The following NOL11 variants were observed in gnomAD, a reference collection of about 807,000 sequenced individuals.
NOL11 encodes nucleolar protein 11.
In NOL11, 42 loss-of-function variants were observed where a neutral mutation model predicts 93.0. The ratio of observed to expected loss-of-function variants is 0.45; its 90% confidence interval spans 0.35 to 0.58. The LOEUF (loss-of-function observed/expected upper bound fraction) is 0.58, where lower values mean the gene tolerates loss of function less well. Among genes scored for constraint, NOL11 ranks in the 20% least tolerant of loss-of-function variants. The probability of loss-of-function intolerance (pLI) is 0.00; values close to 1 mark genes in which losing one functional copy is unlikely to be tolerated. For synonymous variants in NOL11, 296 were observed against 293.7 expected (o/e 1.01, Z -0.08); for missense variants, 775 against 841.8 (o/e 0.92, Z 0.98).
At position 67,737,600 on chromosome 17, in the gene NOL11, A is replaced by G. The variant is rs774756315; in HGVS notation, c.1311A>G (p.Val437=). ...PDFHTVIGDT[V]TGLLERCKAE... is the part of the protein sequence containing the mutation. Reference sequence around the variant, plus strand: ...TTCATACTGTCATTGGGGACACAGTAACAGGACTTCTGGAAAGGTGTAAAG... The same window carrying G: ...TTCATACTGTCATTGGGGACACAGTGACAGGACTTCTGGAAAGGTGTAAAG... The change falls in exon 12 of 18, where the codon GTA becomes GTG. Residue 437 remains valine (V), a synonymous_variant. Transcript: ENST00000253247. The G allele has an allele frequency of 3.7e-6, 6 of 1,614,158 alleles. No homozygotes were observed. Among genetic ancestry groups the G allele is most frequent in the Non-Finnish European group, 5.1e-6 (6 of 1,179,986 alleles).
chr17:67,740,702 C>T (rs2055248256), intron 16 of NOL11: 1 of 154,308 alleles, frequency 6.5e-6, no homozygotes, highest in Admixed American at 6.6e-5. Flanking sequence ...AGTTCCTTGT[C>T]TTTGGACATG....
chr17:67,718,139 G>A lies in NOL11; in HGVS notation c.141+51G>A, dbSNP rs369868785. On this transcript the variant is annotated intron_variant, in intron 1 of 17. Coordinates refer to ENST00000253247, the MANE Select transcript of NOL11 (RefSeq NM_015462.5). ...CCCGACTGCCTTCTCGCCCCTTTCT[G>A]AGCGCGGAGCTCGAGCTCAAGTTTC... The A allele has an allele frequency of 1.0e-5, 16 of 1,591,256 alleles. No individual in the cohort carries two copies. In the African/African-American group the frequency reaches 2.0e-4, roughly 20 times the overall value.
Position 67,724,034 on chromosome 17 carries a change from CTTT to C in NOL11, c.520-7_520-5del. The C allele has an allele frequency of 2.3e-6, 3 of 1,280,596 alleles. No homozygotes were observed. The highest frequency in any genetic ancestry group is 2.1e-6 in the Non-Finnish European group (2 of 952,728). The allele number at this position is 1,280,596 out of a possible 1,614,324, so 79.3% of individuals were successfully genotyped here. A position where few individuals can be genotyped will look rare whatever the true frequency, so the allele number is the denominator to read the frequency against. On this transcript the variant is annotated splice_polypyrimidine_tract_variant and intron_variant, in intron 5 of 17. Coordinates refer to ENST00000253247, the MANE Select transcript of NOL11 (RefSeq NM_015462.5). The stretch of plus-strand genomic sequence containing the variant: ...GAAATGGGAATATTTATAAAATAAC[CTTT>C]TTTTTTTGCAGCATGGAAATTACTT...
At chr17:67,740,052 A>G (rs112891293) in intron 16 of NOL11, among the ~76,000 whole-genome samples, 4 of 152,204 alleles carry the variant, frequency 2.6e-5, no homozygotes, top group African/African-American at 4.8e-5. Context: ...CCCAGCCAAC[A>G]TGGTGAAACC....
chr17:67,724,086 C>T lies in NOL11; in HGVS notation c.557C>T (p.Ser186Leu). Residue 186 changes from serine to leucine, a missense_variant, in exon 6 of 18, where the codon TCA (serine) becomes TTA (leucine). Coordinates refer to ENST00000253247, the MANE Select transcript of NOL11 (RefSeq NM_015462.5). ...NYFAYVQMFN[S>L]RILTKYTLLL... ...TTTGCTTACGTGCAAATGTTTAACT[C>T]ACGTATCTTAACCAAATATACACTC... The T allele has an allele frequency of 6.3e-7, 1 of 1,577,182 alleles. No homozygotes were observed.
intron 4 of NOL11, 35 bp from the exon 5 acceptor site, chr17:67,722,545 G>A (rs2043225410): frequency 6.4e-7 from 1 of 1,553,866 alleles, no homozygotes; most frequent in Admixed American, 2.3e-5. Flanking sequence ...GGTGATTTTT[G>A]CATCCTATAA....
intron 16 of NOL11, among the ~76,000 whole-genome samples, chr17:67,740,319 T>C (rs2055243663): frequency 6.6e-6 from 1 of 150,794 alleles, no homozygotes; most frequent in Admixed American, 6.6e-5. Context: ...TCTTTAAAAA[T>C]AATACTTATG....
chr17:67,720,085 T>C (rs1426825562), intron 3 of NOL11, 123 bp downstream of exon 3: 2 of 850,016 alleles, frequency 2.4e-6, no homozygotes, highest in Admixed American at 3.7e-5. Flanking sequence ...CCTAATCAGG[T>C]TTTCATTCTA....
At chr17:67,724,915 A>T (rs2055075539) in intron 6 of NOL11, among the ~76,000 whole-genome samples, 1 of 151,972 alleles carries the variant, frequency 6.6e-6, no homozygotes, top group Non-Finnish European at 1.5e-5. Context: ...AAAATTAGCC[A>T]GGCATGGTGG....
rs188453723 is a variant in NOL11 at position 67,736,419 on chromosome 17, A to G, written c.1055-247A>G. 1.4e-4 allele frequency among the ~76,000 whole-genome samples: 21 copies of G among 152,346 alleles called. 2 individuals are homozygous for G. Among genetic ancestry groups the G allele is most frequent in the Admixed American group, 1.2e-3 (19 of 15,294 alleles). ...TTTAGGGGCAATGGGAGAACCCCCA[A>G]ACAAAATCAGTAATACCTCTGCCCT... On this transcript the variant is annotated intron_variant, in intron 9 of 17. Coordinates refer to ENST00000253247, the MANE Select transcript of NOL11 (RefSeq NM_015462.5).
At chr17:67,727,417 T>G (rs2055106134) in intron 7 of NOL11, among the ~76,000 whole-genome samples, 1 of 152,136 alleles carries the variant, frequency 6.6e-6, no homozygotes, top group South Asian at 2.1e-4. Context: ...ATCCCAGCAC[T>G]TTGGGAGGCC....
intron 3 of NOL11, among the ~76,000 whole-genome samples, chr17:67,720,832 A>G (rs926933232): frequency 6.6e-6 from 1 of 152,228 alleles, no homozygotes; most frequent in Non-Finnish European, 1.5e-5. Flanking sequence ...GATATAATGC[A>G]GTTGTTGCCT....
chr17:67,721,329 G>A lies in NOL11; in HGVS notation c.313-49G>A, dbSNP rs759612501. 7 of 1,136,870 alleles carry A rather than the reference G, an allele frequency of 6.2e-6. No homozygotes were observed. The Admixed American group carries it at 7.9e-5, about 13-fold the overall frequency. The allele number at this position is 1,136,870 out of a possible 1,614,324, so 70.4% of individuals were successfully genotyped here. ...GCCTTCTCTAAATATCCTTATATTA[G>A]GTATAAATTGTTTTAGAATAAAAAT... On this transcript the variant is annotated intron_variant, in intron 3 of 17. Coordinates refer to ENST00000253247, the MANE Select transcript of NOL11 (RefSeq NM_015462.5).
chr17:67,734,075 A>G (rs138512472), intron 7 of NOL11, among the ~76,000 whole-genome samples: 1 of 150,054 alleles, frequency 6.7e-6, no homozygotes, highest in Non-Finnish European at 1.5e-5. Flanking sequence ...TAAATTGTAA[A>G]TTTGTAGAAT....
At chr17:67,737,816 T>G in intron 12 of NOL11, 31 bp from the exon 13 acceptor site, 1 of 1,600,910 alleles carries the variant, frequency 6.2e-7, no homozygotes, top group Non-Finnish European at 8.5e-7. Context: ...TTTCTTAATA[T>G]GTAATAGTGA....
intron 3 of NOL11, chr17:67,720,455 C>A (rs1423008371): frequency 6.6e-6 from 1 of 152,546 alleles, no homozygotes; most frequent in Non-Finnish European, 1.5e-5. Flanking sequence ...GCATGCACCA[C>A]CATGTCCAGC....
chr17:67,727,977 C>T (rs1043383676), intron 7 of NOL11, among the ~76,000 whole-genome samples: 7 of 149,542 alleles, frequency 4.7e-5, no homozygotes, highest in Non-Finnish European at 1.0e-4. Flanking sequence ...ATACCATGTG[C>T]GAGCCGGGCA....
At chr17:67,731,412 C>T (rs1271550708) in intron 7 of NOL11, among the ~76,000 whole-genome samples, 153 of 14,182 alleles carry the variant, frequency 0.011, 66 homozygotes, top group African/African-American at 0.026. Context: ...TACAGGCGCC[C>T]GCCGCTGCGC....
rs765960691 is a variant in NOL11 at position 67,721,479 on chromosome 17, C to T, written c.414C>T (p.Asp138=). Residue 138 remains aspartate (D), a synonymous_variant, in exon 4 of 18, where the codon GAC becomes GAT. Coordinates refer to ENST00000253247, the MANE Select transcript of NOL11 (RefSeq NM_015462.5). ...AVRGLEALLA[D]PQQKIETVIS... ...GTGGTTTAGAGGCCTTGCTTGCAGACCCCCAGCAGAAAATTGAAACTGTTA... is the reference window on the plus strand; with the variant it reads ...GTGGTTTAGAGGCCTTGCTTGCAGATCCCCAGCAGAAAATTGAAACTGTTA... 6.2e-7 allele frequency: 1 copy of T among 1,613,754 alleles called. No homozygotes were observed. The highest frequency in any genetic ancestry group is 8.5e-7 in the Non-Finnish European group (1 of 1,179,752).
Sources: allele counts gnomAD v4.1 joint callset (sites outside exome capture counted in the v4.1 genomes callset), GRCh38; gene constraint gnomAD v4.1.1; transcripts MANE v1.5; gene names NCBI Gene and HGNC (gene_info 2026-07-23, HGNC 2026-07-21).